PHF21A: variants seen among roughly 807,000 people sequenced by gnomAD.
PHF21A encodes the protein PHD finger protein 21A.
PHF21A carries 11 observed loss-of-function variants against 82.5 expected under a neutral mutation model. The observed-to-expected ratio is 0.13, with a 90% CI of 0.08 to 0.22. PHF21A has a LOEUF of 0.22. Ranked by LOEUF, PHF21A falls within the 10% of genes least tolerant of loss-of-function variation. PHF21A has a pLI of 1.00. For missense variants in PHF21A, 579 were observed against 837.8 expected (o/e 0.69, Z 3.81); for synonymous variants, 297 against 302.8 (o/e 0.98, Z 0.20).
chr11:45,986,413 A>G (rs981501813), intron 6 of PHF21A, among the ~76,000 whole-genome samples: 2 of 152,216 alleles, frequency 1.3e-5, no homozygotes, highest in Admixed American at 1.3e-4. Flanking sequence ...GTGTCAAACA[A>G]GAAAGAGTGT....
At chr11:46,066,268 A>C (rs999054619) in intron 6 of PHF21A, among the ~76,000 whole-genome samples, 7 of 152,196 alleles carry the variant, frequency 4.6e-5, no homozygotes, top group Non-Finnish European at 8.8e-5. Context: ...CTGATTACTG[A>C]TATAGGTATT....
chr11:46,063,400 C>A (rs1592692503), intron 6 of PHF21A, among the ~76,000 whole-genome samples: 2 of 152,310 alleles, frequency 1.3e-5, no homozygotes, highest in East Asian at 3.9e-4. Context: ...ATAGTAACTA[C>A]TGTAAGGCCA....
At chr11:45,936,756 C>G (rs1209130908) in intron 16 of PHF21A, 187 bp from the exon 17 acceptor site, 5 of 562,162 alleles carry the variant, frequency 8.9e-6, no homozygotes, top group Non-Finnish European at 1.6e-5. Flanking sequence ...TTAGGAGAAT[C>G]AAGTTCAAGG....
chr11:45,976,659 T>C (rs1001630118), intron 7 of PHF21A, among the ~76,000 whole-genome samples: 2 of 152,124 alleles, frequency 1.3e-5, no homozygotes, highest in African/African-American at 4.8e-5. Context: ...CTGGCAAACA[T>C]GGTGAAACCC....
At chr11:46,038,160 T>C (rs2096056042) in intron 6 of PHF21A, among the ~76,000 whole-genome samples, 1 of 152,018 alleles carries the variant, frequency 6.6e-6, no homozygotes, top group Non-Finnish European at 1.5e-5. Flanking sequence ...TTGCTTTTTT[T>C]TTGTCACTCA....
intron 9 of PHF21A, among the ~76,000 whole-genome samples, chr11:45,967,388 CT>C (rs2093504399): frequency 6.7e-6 from 1 of 150,230 alleles, no homozygotes; most frequent in Non-Finnish European, 1.5e-5. Flanking sequence ...AAAAAAATCC[CT>C]TATTGCTAAA....
intron 6 of PHF21A, among the ~76,000 whole-genome samples, chr11:45,994,003 G>C (rs2094814754): frequency 6.6e-6 from 1 of 152,146 alleles, no homozygotes; most frequent in Non-Finnish European, 1.5e-5. Flanking sequence ...CTGTACTTCT[G>C]TCATCCAAGA....
chr11:45,969,108 C>A (rs1013675295), intron 9 of PHF21A, among the ~76,000 whole-genome samples: 1 of 152,156 alleles, frequency 6.6e-6, no homozygotes, highest in Non-Finnish European at 1.5e-5. Flanking sequence ...ACACTACTGA[C>A]CACAAAACTC....
At chr11:45,995,562 G>T (rs1475121421) in intron 6 of PHF21A, among the ~76,000 whole-genome samples, 2 of 152,216 alleles carry the variant, frequency 1.3e-5, no homozygotes, top group African/African-American at 4.8e-5. Context: ...TGGTTGAGCA[G>T]TTCATTTTTC....
intron 5 of PHF21A, among the ~76,000 whole-genome samples, chr11:46,077,404 AG>A (rs1565877880): frequency 6.6e-6 from 1 of 152,254 alleles, no homozygotes. Context: ...AATCAAAAAA[AG>A]AATACTATTT....
chr11:45,948,422 G>A (rs994688988), intron 14 of PHF21A, among the ~76,000 whole-genome samples: 1 of 152,180 alleles, frequency 6.6e-6, no homozygotes, highest in African/African-American at 2.4e-5. Context: ...GTTCTCAAGT[G>A]TGGCTACCTC....
Position 45,938,193 on chromosome 11 carries a change from G to A in PHF21A, c.1572C>T (p.Pro524=). Residue 524 remains proline, a synonymous_variant, in exon 16 of 19, where the codon CCC becomes CCT. Transcript: ENST00000676320. ...DCLDPPLKTI[P]KGMWICPRCQ... ...ATCTGGGACAGATCCACATGCCCTT[G>A]GGAATTGTTTTCAGAGGGGGGTCTA... The A allele has an allele frequency of 6.2e-7, 1 of 1,606,864 alleles. No homozygotes were observed. Among genetic ancestry groups the A allele is most frequent in the Non-Finnish European group, 8.5e-7 (1 of 1,176,840 alleles).
intron 6 of PHF21A, among the ~76,000 whole-genome samples, chr11:46,014,456 A>AGT (rs1272982718): frequency 6.6e-6 from 1 of 152,256 alleles, no homozygotes; most frequent in Non-Finnish European, 1.5e-5. Flanking sequence ...TACTGTGAAT[A>AGT]GTGTGGCAAT....
intron 1 of PHF21A, among the ~76,000 whole-genome samples, chr11:46,104,096 G>T (rs754136407): frequency 6.6e-6 from 1 of 152,108 alleles, no homozygotes; most frequent in South Asian, 2.1e-4. Context: ...GGCACCAAAT[G>T]AGAGGAAATT....
At chr11:46,005,976 C>A (rs2095284934) in intron 6 of PHF21A, among the ~76,000 whole-genome samples, 2 of 152,086 alleles carry the variant, frequency 1.3e-5, no homozygotes, top group African/African-American at 4.8e-5. Context: ...TTGGAGCCTA[C>A]AAATGCCTGT....
At chr11:45,987,523 T>C (rs2094535311) in intron 6 of PHF21A, among the ~76,000 whole-genome samples, 2 of 149,784 alleles carry the variant, frequency 1.3e-5, no homozygotes. Context: ...TAGCTGGGCA[T>C]AGTGGTGGGC....
chr11:45,935,609 A>T, intron 18 of PHF21A, 27 bp downstream of exon 18: 1 of 1,054,432 alleles, frequency 9.5e-7, no homozygotes, highest in Non-Finnish European at 1.5e-6. Context: ...CTATGTATCG[A>T]CTGCTGAAGG....
At chr11:46,033,081 G>A (rs1043865715) in intron 6 of PHF21A, among the ~76,000 whole-genome samples, 1 of 151,940 alleles carries the variant, frequency 6.6e-6, no homozygotes, top group Admixed American at 6.6e-5. Context: ...TGTTTTATTA[G>A]TTTTTATGTA....
chr11:46,010,998 C>T (rs1246330939), intron 6 of PHF21A, among the ~76,000 whole-genome samples: 1 of 151,954 alleles, frequency 6.6e-6, no homozygotes, highest in Non-Finnish European at 1.5e-5. Flanking sequence ...ACACACACAC[C>T]CCTCTCAAAA....
Sources: allele counts gnomAD v4.1 joint callset (sites outside exome capture counted in the v4.1 genomes callset), GRCh38; gene constraint gnomAD v4.1.1; transcripts MANE v1.5; gene names NCBI Gene and HGNC (gene_info 2026-07-23, HGNC 2026-07-21).